Variants in ZMIZ1 observed in about 807,000 individuals in gnomAD.
ZMIZ1 encodes zinc finger MIZ domain-containing protein 1.
Under a neutral mutation model 113.9 loss-of-function variants are expected in ZMIZ1, and 17 were observed. The observed-to-expected ratio is 0.15, with a 90% CI of 0.10 to 0.22. The LOEUF is 0.22. ZMIZ1 is among the 10% of genes least tolerant of loss of function. The pLI, the probability that ZMIZ1 is intolerant of heterozygous loss-of-function variation, is 1.00. For synonymous variants in ZMIZ1, 607 were observed against 603.1 expected (o/e 1.01, Z -0.09); for missense variants, 1,059 against 1,477.8 (o/e 0.72, Z 4.65).
chr10:79,272,491 C>T (rs1475088685), intron 7 of ZMIZ1, among the ~76,000 whole-genome samples: 3 of 152,204 alleles, frequency 2.0e-5, no homozygotes, highest in East Asian at 1.9e-4. Flanking sequence ...GAGAGATGAG[C>T]GCCAAGGCGT....
intron 1 of ZMIZ1, among the ~76,000 whole-genome samples, chr10:79,099,702 AGGTGATGTGCCT>A (rs1843293423): frequency 3.3e-5 from 5 of 152,296 alleles, no homozygotes; most frequent in Admixed American, 3.3e-4. Context: ...TGCATTTCCC[AGGTGATGTGCCT>A]GGGAAGCATC....
At chr10:79,197,566 C>T (rs558927031) in intron 4 of ZMIZ1, among the ~76,000 whole-genome samples, 2 of 150,370 alleles carry the variant, frequency 1.3e-5, no homozygotes, top group East Asian at 4.0e-4. Context: ...GCGGAGCTGC[C>T]CTGATTACGC....
intron 16 of ZMIZ1, among the ~76,000 whole-genome samples, chr10:79,300,491 G>C (rs936939346): frequency 6.6e-6 from 1 of 152,168 alleles, no homozygotes; most frequent in Non-Finnish European, 1.5e-5. Flanking sequence ...GGGAGCTAGA[G>C]CTGTGGGGTG....
At chr10:79,093,220 T>G in intron 1 of ZMIZ1, among the ~76,000 whole-genome samples, 1 of 150,396 alleles carries the variant, frequency 6.6e-6, no homozygotes. Flanking sequence ...GCCATGCAGT[T>G]TATGTGCATT....
intron 7 of ZMIZ1, among the ~76,000 whole-genome samples, chr10:79,276,076 T>G (rs1411026816): frequency 6.6e-6 from 1 of 152,114 alleles, no homozygotes; most frequent in Non-Finnish European, 1.5e-5. Context: ...TCAGCTGAGG[T>G]GTGGCCACCC....
chr10:79,258,642 G>A (rs1047896382), intron 7 of ZMIZ1, among the ~76,000 whole-genome samples: 1 of 152,242 alleles, frequency 6.6e-6, no homozygotes, highest in Admixed American at 6.5e-5. Flanking sequence ...ATGAGGCAAA[G>A]TGGGACATAA....
At chr10:79,112,336 G>A (rs933872776) in intron 1 of ZMIZ1, among the ~76,000 whole-genome samples, 1 of 152,208 alleles carries the variant, frequency 6.6e-6, no homozygotes, top group African/African-American at 2.4e-5. Context: ...TGAACTAAAG[G>A]GAGGGGGTTA....
chr10:79,141,430 C>G (rs1193755840), intron 3 of ZMIZ1, among the ~76,000 whole-genome samples: 1 of 151,958 alleles, frequency 6.6e-6, no homozygotes, highest in African/African-American at 2.4e-5. Flanking sequence ...GTAAAGTACT[C>G]TTTCACTAGC....
At chr10:79,143,545 C>T (rs891376745) in intron 3 of ZMIZ1, among the ~76,000 whole-genome samples, 9 of 152,242 alleles carry the variant, frequency 5.9e-5, no homozygotes, top group Non-Finnish European at 1.3e-4. Flanking sequence ...CTGTGTTGTG[C>T]CAAATGCAGG....
At chr10:79,239,343 G>A (rs964205485) in intron 7 of ZMIZ1, among the ~76,000 whole-genome samples, 2 of 152,170 alleles carry the variant, frequency 1.3e-5, no homozygotes, top group Admixed American at 6.5e-5. Context: ...ACACTCCCAC[G>A]TGTCCTGAGA....
chr10:79,193,511 A>G, intron 4 of ZMIZ1, among the ~76,000 whole-genome samples: 1 of 152,152 alleles, frequency 6.6e-6, no homozygotes, highest in East Asian at 1.9e-4. Flanking sequence ...ACACCCAGCA[A>G]TGGGCGTGCG....
chr10:79,270,106 C>A (rs1174259175), intron 7 of ZMIZ1, among the ~76,000 whole-genome samples: 1 of 152,210 alleles, frequency 6.6e-6, no homozygotes, highest in Non-Finnish European at 1.5e-5. Context: ...CTGTCACTGC[C>A]CCTGGGGAGG....
intron 19 of ZMIZ1, among the ~76,000 whole-genome samples, chr10:79,304,437 A>C (rs770934912): frequency 1.3e-5 from 2 of 152,234 alleles, no homozygotes; most frequent in Non-Finnish European, 2.9e-5. Flanking sequence ...TGGAAGTCCC[A>C]CACACATGTC....
chr10:79,119,424 A>G (rs770987969), intron 2 of ZMIZ1, among the ~76,000 whole-genome samples: 1 of 152,238 alleles, frequency 6.6e-6, no homozygotes, highest in Non-Finnish European at 1.5e-5. Context: ...TTCTTTCAGC[A>G]TCACAGCAGC....
intron 23 of ZMIZ1, among the ~76,000 whole-genome samples, chr10:79,310,550 C>T (rs1036778403): frequency 6.6e-6 from 1 of 152,108 alleles, no homozygotes; most frequent in Non-Finnish European, 1.5e-5. Flanking sequence ...TCCCGCTCCC[C>T]GGAACATGCC....
At chr10:79,117,656 GGA>G (rs1472477151) in intron 1 of ZMIZ1, among the ~76,000 whole-genome samples, 1 of 152,182 alleles carries the variant, frequency 6.6e-6, no homozygotes, top group African/African-American at 2.4e-5. Flanking sequence ...CTGGGTCATG[GGA>G]GAGGTCACAG....
At chr10:79,082,131 C>G (rs1842680404) in intron 1 of ZMIZ1, among the ~76,000 whole-genome samples, 1 of 152,252 alleles carries the variant, frequency 6.6e-6, no homozygotes, top group Non-Finnish European at 1.5e-5. Flanking sequence ...CTGGCCTGGC[C>G]TGGGACTCAC....
chr10:79,184,951 T>C (rs1847289278), intron 4 of ZMIZ1, among the ~76,000 whole-genome samples: 1 of 152,210 alleles, frequency 6.6e-6, no homozygotes, highest in Non-Finnish European at 1.5e-5. Context: ...CATAAAGCCC[T>C]GCAAAGTGAT....
intron 3 of ZMIZ1, among the ~76,000 whole-genome samples, chr10:79,161,620 G>T (rs1048128163): frequency 6.6e-6 from 1 of 152,208 alleles, no homozygotes; most frequent in African/African-American, 2.4e-5. Context: ...CTCATTGTTT[G>T]TTTCTGGCAA....
Sources: allele counts gnomAD v4.1 joint callset (sites outside exome capture counted in the v4.1 genomes callset), GRCh38; gene constraint gnomAD v4.1.1; transcripts MANE v1.5; gene names NCBI Gene and HGNC (gene_info 2026-07-23, HGNC 2026-07-21).